The following CDKL4 variants were observed in gnomAD, a reference collection of about 807,000 sequenced individuals.
CDKL4 encodes the protein cyclin dependent kinase like 4, also known as cyclin-dependent kinase-like 4.
CDKL4 carries 44 observed loss-of-function variants against 42.0 expected under a neutral mutation model. The observed-to-expected ratio is 1.05, with a 90% CI of 0.82 to 1.35. The LOEUF is 1.35. CDKL4 is among the 40% of genes most tolerant of loss of function. CDKL4 has a pLI of 0.00. For missense variants in CDKL4, 393 were observed against 369.9 expected, an observed-to-expected ratio of 1.06 and a Z score of -0.51; for synonymous variants, 120 against 121.6, an observed-to-expected ratio of 0.99 and a Z score of 0.09.
intron 5 of CDKL4, among the ~76,000 whole-genome samples, chr2:39,193,356 AATTATTATTATT>A (rs79269841): frequency 2.7e-5 from 4 of 148,018 alleles, no homozygotes; most frequent in South Asian, 2.1e-4. Context: ...TCATTTATAA[AATTATTATTATT>A]ATTATTATTA....
At chr2:39,209,348 T>C (rs2665158) in intron 4 of CDKL4, among the ~76,000 whole-genome samples, 1 of 151,974 alleles carries the variant, frequency 6.6e-6, no homozygotes, top group African/African-American at 2.4e-5. Context: ...TTTTGCCATT[T>C]TGAGATGAAG....
At chr2:39,193,478 C>A (rs777914574) in intron 5 of CDKL4, among the ~76,000 whole-genome samples, 1 of 151,732 alleles carries the variant, frequency 6.6e-6, no homozygotes, top group African/African-American at 2.4e-5. Context: ...CGGGTACATG[C>A]GATTCTCCTG....
chr2:39,188,196 G>A (rs114121164), intron 6 of CDKL4, among the ~76,000 whole-genome samples: 3 of 152,102 alleles, frequency 2.0e-5, no homozygotes, highest in East Asian at 1.9e-4. Flanking sequence ...TTCTGCAGAC[G>A]CATGCCTTCT....
chr2:39,229,132 T>C (rs1268244840), intron 2 of CDKL4, among the ~76,000 whole-genome samples: 1 of 152,152 alleles, frequency 6.6e-6, no homozygotes, highest in East Asian at 1.9e-4. Flanking sequence ...CTTAGGATAT[T>C]TACTAACAAG....
chr2:39,189,099 C>T (rs976253058), intron 6 of CDKL4, among the ~76,000 whole-genome samples: 3 of 152,068 alleles, frequency 2.0e-5, no homozygotes, highest in Non-Finnish European at 4.4e-5. Flanking sequence ...GGTAATCTAC[C>T]CCACATTTTT....
downstream of CDKL4, among the ~76,000 whole-genome samples, chr2:39,171,471 T>A (rs974564981): frequency 7.9e-5 from 12 of 152,172 alleles, no homozygotes; most frequent in Non-Finnish European, 1.6e-4. Context: ...CTAGTTAAAG[T>A]AATCTTCAAA....
At chr2:39,226,094 T>A in intron 2 of CDKL4, 134 bp from the exon 3 acceptor site, 1 of 803,822 alleles carries the variant, frequency 1.2e-6, no homozygotes, top group South Asian at 3.2e-5. Context: ...GGTAACAAAA[T>A]TGCTTGAATC....
In CDKL4 at chr2:39,231,379, T is replaced by C. The variant is rs537524737; in HGVS notation, c.-56-1791A>G. ...ATTTTTTAAAACTTCTCTAATAATA[T>C]TGTCTTTTCCAACTACAGATTATCT... On this transcript the variant is annotated intron_variant, in intron 1 of 9. Coordinates refer to ENST00000451199, the Ensembl canonical transcript of CDKL4. 2.1e-3 allele frequency among the ~76,000 whole-genome samples: 321 copies of C among 152,334 alleles called. 1 individual carries two copies. The highest frequency in any genetic ancestry group is 7.3e-3 in the African/African-American group (302 of 41,582).
chr2:39,168,194 A>AT, the CDKL4 span, among the ~76,000 whole-genome samples: 1 of 152,106 alleles, frequency 6.6e-6, no homozygotes, highest in Admixed American at 6.5e-5. Flanking sequence ...TAGGCTAATT[A>AT]TCAATGTTAA....
chr2:39,198,816 C>G (rs141715146), intron 5 of CDKL4, among the ~76,000 whole-genome samples: 1 of 152,100 alleles, frequency 6.6e-6, no homozygotes, highest in African/African-American at 2.4e-5. Flanking sequence ...CTATCAAAAC[C>G]TCTGGGATAC....
chr2:39,223,606 T>TAGAA (rs1558578078), intron 3 of CDKL4, among the ~76,000 whole-genome samples: 3 of 120,850 alleles, frequency 2.5e-5, no homozygotes, highest in African/African-American at 7.7e-5. Context: ...TGAAGACTTC[T>TAGAA]GTCTTCAAAA....
chr2:39,170,292 A>AG, the CDKL4 span, among the ~76,000 whole-genome samples: 1 of 136,028 alleles, frequency 7.4e-6, no homozygotes, highest in Admixed American at 7.4e-5. Context: ...AAAAAAAAAA[A>AG]AAAGAAAGAA....
chr2:39,199,286 C>A (rs1676705139), intron 5 of CDKL4, among the ~76,000 whole-genome samples: 1 of 151,828 alleles, frequency 6.6e-6, no homozygotes, highest in African/African-American at 2.4e-5. Flanking sequence ...CTAGATTAAA[C>A]CAGGAAGAAA....
chr2:39,244,872 A>C (rs1438516511), upstream of CDKL4, among the ~76,000 whole-genome samples: 1 of 152,076 alleles, frequency 6.6e-6, no homozygotes, highest in Admixed American at 6.5e-5. Context: ...GGGTTTGTGA[A>C]TGCACCAGTC....
chr2:39,175,024 T>C (rs2148273082), downstream of CDKL4, among the ~76,000 whole-genome samples: 1 of 152,338 alleles, frequency 6.6e-6, no homozygotes, highest in East Asian at 1.9e-4. Flanking sequence ...GCTCAGTTAT[T>C]GAGGGGTTTG....
At position 39,229,279 on chromosome 2, in the gene CDKL4, A is replaced by C. The variant is rs116112545; in HGVS notation, c.168+86T>G. ...AAAGGAATTTAAGTCCAATGGGGGG[A>C]AAATAACTTTAAAATTCTTTGCAAT... On this transcript the variant is annotated intron_variant, in intron 2 of 9. Transcript: ENST00000451199. 4.5e-3 allele frequency: 4,546 copies of C among 1,001,692 alleles called. 146 individuals are homozygous for C. In the African/African-American group the frequency reaches 0.063, roughly 14 times the overall value. The allele number at this position is 1,001,692 out of a possible 1,614,324, so 62.1% of individuals were successfully genotyped here. A position where few individuals can be genotyped will look rare whatever the true frequency, so the allele number is the denominator to read the frequency against.
intron 4 of CDKL4, among the ~76,000 whole-genome samples, chr2:39,209,436 A>G: frequency 6.6e-6 from 1 of 152,200 alleles, no homozygotes; most frequent in Admixed American, 6.5e-5. Flanking sequence ...CACTTTGGTT[A>G]CCTCACTCTA....
chr2:39,213,574 G>T, intron 3 of CDKL4, 102 bp from the exon 4 acceptor site: 1 of 664,822 alleles, frequency 1.5e-6, no homozygotes, highest in Non-Finnish European at 2.7e-6. Flanking sequence ...TCCTCTTCAA[G>T]GAACACCATG....
intron 1 of CDKL4, among the ~76,000 whole-genome samples, chr2:39,233,503 A>C (rs1162664597): frequency 6.6e-6 from 1 of 152,180 alleles, no homozygotes; most frequent in Non-Finnish European, 1.5e-5. Context: ...GGGCATGCGA[A>C]TCCTCCCATC....
Sources: gnomAD v4.1 joint callset for allele counts (sites outside exome capture counted in the v4.1 genomes callset) on GRCh38, gnomAD v4.1.1 for gene constraint, MANE v1.5 for transcripts, NCBI Gene and HGNC (gene_info 2026-07-23, HGNC 2026-07-21) for gene names.